The following NKX2-5 variants were observed in gnomAD, a reference collection of about 807,000 sequenced individuals.
NKX2-5 encodes the protein NK2 homeobox 5, also known as homeobox protein Nkx-2.5.
Under a neutral mutation model 24.5 loss-of-function variants are expected in NKX2-5, and 3 were observed. That is an observed-to-expected ratio of 0.12 (90% CI 0.06 to 0.32). The LOEUF is 0.32. NKX2-5 is among the 10% of genes least tolerant of loss of function. NKX2-5 has a pLI of 1.00. For synonymous variants in NKX2-5, 215 were observed against 217.6 expected, an observed-to-expected ratio of 0.99 and a Z score of 0.11; for missense variants, 429 against 452.4, an observed-to-expected ratio of 0.95 and a Z score of 0.47.
chr5:173,235,190 C>G lies in NKX2-5; in HGVS notation c.-107G>C, dbSNP rs895157483. The G allele has an allele frequency of 2.6e-6, 3 of 1,161,540 alleles. No homozygotes were observed. The highest frequency in any genetic ancestry group is 1.6e-5 in the African/African-American group (1 of 62,644). 72.0% of individuals were successfully genotyped at this position (1,161,540 alleles called of 1,614,324 possible). On this transcript the variant is annotated 5_prime_UTR_variant, in exon 1 of 2. Coordinates refer to ENST00000329198, the MANE Select transcript of NKX2-5 (RefSeq NM_004387.4). ...TGCCGCCGCCCGCCCGCGCACCCGT[C>G]GGCCAGCTCTGGATGTGTCCGGGCA... is the stretch of plus-strand genomic sequence containing the variant.
chr5:173,234,159 G>C (rs755687551), intron 1 of NKX2-5: 2 of 1,288,680 alleles, frequency 1.6e-6, no homozygotes, highest in South Asian at 1.2e-5. Flanking sequence ...ATAAAGTGAA[G>C]TCAGATTCCT....
intron 1 of NKX2-5, chr5:173,234,407 G>C (rs1761412786): frequency 1.4e-6 from 1 of 733,282 alleles, no homozygotes; most frequent in African/African-American, 1.9e-5. Context: ...TTTAAAAACA[G>C]AGATTATCTG....
rs772542981 is a variant in NKX2-5 at position 173,234,873 on chromosome 5, C to T, written c.211G>A (p.Ala71Thr). 6.2e-7 allele frequency: 1 copy of T among 1,603,510 alleles called. No individual in the cohort carries two copies. The highest frequency in any genetic ancestry group is 1.7e-5 in the Admixed American group (1 of 58,778). Reference protein sequence around the residue: ...AAAPGLPELRAELGRAPSPAK... With the variant: ...AAAPGLPELRTELGRAPSPAK... ...GGTGAAGGCGCGCGGCCCAGCTCTG[C>T]GCGCAGCTCTGGGAGGCCCGGCGCA... Residue 71 changes from alanine to threonine, a missense_variant, in exon 1 of 2, where the codon GCA becomes ACA. Ala to Thr is a moderately conservative substitution (Grantham distance 58, BLOSUM62 0). Transcript: ENST00000329198.
At chr5:173,233,615 G>A (rs1761391253) in intron 1 of NKX2-5, 7 of 672,244 alleles carry the variant, frequency 1.0e-5, no homozygotes, top group Non-Finnish European at 1.7e-5. Flanking sequence ...AATGAACAGA[G>A]GCCGAGGCCT....
rs746833511 is a variant in NKX2-5 at position 173,232,902 on chromosome 5, A to AGGC, written c.639_641dup (p.Pro214dup). On this transcript the variant is annotated inframe_insertion, in exon 2 of 2. Coordinates refer to ENST00000329198, the MANE Select transcript of NKX2-5 (RefSeq NM_004387.4). The surrounding 1 kb of genome is among the most constrained non-coding windows in gnomAD (Gnocchi z 5.9). Reference sequence around the variant, plus strand: ...GCACTGGCACCGCGATCCTGCGGGCAGGCGGCGGCGGCGGCGGGGGCAGCC... The same window carrying AGGC: ...GCACTGGCACCGCGATCCTGCGGGCAGGCGGCGGCGGCGGCGGCGGGGGCAGCC... 84 of 1,606,388 alleles carry AGGC rather than the reference A, an allele frequency of 5.2e-5. No individual in the cohort carries two copies. The highest frequency in any genetic ancestry group is 4.9e-4 in the Admixed American group (29 of 58,968).
chr5:173,233,125 T>C lies in NKX2-5; in HGVS notation c.419A>G (p.Lys140Arg), dbSNP rs1253114866. Residue 140 changes from lysine (K) to arginine (R), a missense_variant, in exon 2 of 2, where the codon AAG becomes AGG. Physicochemically the swap from Lys to Arg is conservative, Grantham distance 26. Coordinates refer to ENST00000329198, the MANE Select transcript of NKX2-5 (RefSeq NM_004387.4). Reference protein sequence around the residue: ...AERPRARRRRKPRVLFSQAQV... With the variant: ...AERPRARRRRRPRVLFSQAQV... Reference sequence around the variant, plus strand: ...CGCCTGCGAGAAGAGCACGCGCGGCTTCCTCCGCCGTCGCGCCCGGGGCCG... The same window carrying C: ...CGCCTGCGAGAAGAGCACGCGCGGCCTCCTCCGCCGTCGCGCCCGGGGCCG... 3 of 1,600,496 alleles carry C rather than the reference T, an allele frequency of 1.9e-6. No homozygotes were observed. The highest frequency in any genetic ancestry group is 2.7e-5 in the African/African-American group (2 of 74,738).
chr5:173,234,286 G>A, intron 1 of NKX2-5: 2 of 1,193,616 alleles, frequency 1.7e-6, no homozygotes, highest in Non-Finnish European at 2.1e-6. Context: ...CAGAAAGAAG[G>A]TCCAGGACCC....
At chr5:173,233,411 T>C (rs747848277) in intron 1 of NKX2-5, 1 of 1,532,418 alleles carries the variant, frequency 6.5e-7, no homozygotes, top group Non-Finnish European at 8.7e-7. Context: ...TCAGGCTGGC[T>C]CAAGGCGCTG....
chr5:173,233,256 GACCTAC>G (rs1761368119), intron 1 of NKX2-5, 47 bp from the exon 2 acceptor site: 2 of 1,580,964 alleles, frequency 1.3e-6, no homozygotes, highest in Non-Finnish European at 1.7e-6. Flanking sequence ...AGAGCGGCTT[GACCTAC>G]GGAGCGCGGC....
chr5:173,234,231 C>G (rs188507430), intron 1 of NKX2-5: 11 of 1,222,354 alleles, frequency 9.0e-6, no homozygotes, highest in Non-Finnish European at 1.1e-5. Flanking sequence ...ACTTTCCTGG[C>G]GCAAAGAAAG....
At chr5:173,233,525 A>AAAAAAAT in intron 1 of NKX2-5, 1 of 854,630 alleles carries the variant, frequency 1.2e-6, no homozygotes, top group South Asian at 1.7e-5. Context: ...AAAAATAAAT[A>AAAAAAAT]AAAAAATAAA....
At position 173,235,195 on chromosome 5, in the gene NKX2-5, A is replaced by C. The variant is rs1275190113; in HGVS notation, c.-112T>G. ...CCGCCCGCCCGCGCACCCGTCGGCC[A>C]GCTCTGGATGTGTCCGGGCAGCAGG... On this transcript the variant is annotated 5_prime_UTR_variant, in exon 1 of 2. Coordinates refer to ENST00000329198, the MANE Select transcript of NKX2-5 (RefSeq NM_004387.4). The C allele has an allele frequency of 9.2e-7, 1 of 1,092,598 alleles. No homozygotes were observed. The highest frequency in any genetic ancestry group is 1.3e-6 in the Non-Finnish European group (1 of 769,316). 67.7% of individuals were successfully genotyped at this position (1,092,598 alleles called of 1,614,324 possible). A position where few individuals can be genotyped will look rare whatever the true frequency, so the allele number is the denominator to read the frequency against.
chr5:173,232,216 C>T lies in NKX2-5; in HGVS notation c.*353G>A, dbSNP rs774298122. On this transcript the variant is annotated 3_prime_UTR_variant, in exon 2 of 2. Coordinates refer to ENST00000329198, the MANE Select transcript of NKX2-5 (RefSeq NM_004387.4). The surrounding 1 kb of genome is among the most constrained non-coding windows in gnomAD (Gnocchi z 5.9). ...CGGGCGACGGCGAGATAGCAAAGGC[C>T]CGGGCGCCCGGCCCTGGCTCGCGGA... 8.1e-4 allele frequency: 247 copies of T among 306,278 alleles called. 1 individual carries two copies. Among genetic ancestry groups the T allele is most frequent in the Non-Finnish European group, 1.2e-3 (190 of 163,956 alleles). The allele number at this position is 306,278 out of a possible 1,614,324, so 19.0% of individuals were successfully genotyped here. A position where few individuals can be genotyped will look rare whatever the true frequency, so the allele number is the denominator to read the frequency against.
chr5:173,232,313 C>T lies in NKX2-5; in HGVS notation c.*256G>A, dbSNP rs1761331745. The T allele has an allele frequency of 3.2e-6, 2 of 633,330 alleles. No homozygotes were observed. Among genetic ancestry groups the T allele is most frequent in the Non-Finnish European group, 5.2e-6 (2 of 382,804 alleles). The allele number at this position is 633,330 out of a possible 1,614,324, so 39.2% of individuals were successfully genotyped here. A position where few individuals can be genotyped will look rare whatever the true frequency, so the allele number is the denominator to read the frequency against. On this transcript the variant is annotated 3_prime_UTR_variant, in exon 2 of 2. Coordinates refer to ENST00000329198, the MANE Select transcript of NKX2-5 (RefSeq NM_004387.4). This position sits in a 1 kb window ranked among gnomAD's most constrained non-coding sequence, Gnocchi z 5.9. ...TTCCAACCGGGGGTGCCCATGGACT[C>T]TCGGAGGGCACTCCTGGGGGGACAG...
chr5:173,233,963 G>C, intron 1 of NKX2-5: 1 of 1,212,628 alleles, frequency 8.2e-7, no homozygotes, highest in East Asian at 6.3e-5. Context: ...CCTTGGGCTG[G>C]GGGGTCTCCC....
At chr5:173,234,556 G>A (rs1761417894) in intron 1 of NKX2-5, among the ~76,000 whole-genome samples, 194 bp downstream of exon 1, 1 of 152,156 alleles carries the variant, frequency 6.6e-6, no homozygotes, top group Non-Finnish European at 1.5e-5. Flanking sequence ...CTTTCAATCC[G>A]GCATTTCCTC....
intron 1 of NKX2-5, chr5:173,234,019 G>C: frequency 7.8e-7 from 1 of 1,277,198 alleles, no homozygotes; most frequent in South Asian, 1.3e-5. Flanking sequence ...CCCCGATCCT[G>C]GGATGGCCTG....
At chr5:173,233,294 C>T (rs1414462775) in intron 1 of NKX2-5, 85 bp from the exon 2 acceptor site, 1 of 1,546,972 alleles carries the variant, frequency 6.5e-7, no homozygotes, top group Non-Finnish European at 8.7e-7. Context: ...GGTAAGGGAT[C>T]CTCGTGGAGG....
At position 173,234,053 on chromosome 5, in the gene NKX2-5, G is replaced by A. The variant is rs1377881642; in HGVS notation, c.334+697C>T. 3.9e-6 allele frequency: 5 copies of A among 1,289,348 alleles called. No individual in the cohort carries two copies. The Admixed American group carries it at 9.2e-5, about 24-fold the overall frequency. 79.9% of individuals were successfully genotyped at this position (1,289,348 alleles called of 1,614,324 possible). ...TGCGGGATGATCCCGCACTCATCTC[G>A]TCCACTCCCTTGTGCCCGCGGTAGC... On this transcript the variant is annotated intron_variant, in intron 1 of 1. Transcript: ENST00000329198.
Sources: gnomAD v4.1 joint callset for allele counts (sites outside exome capture counted in the v4.1 genomes callset) on GRCh38, gnomAD v4.1.1 for gene constraint, Gnocchi (gnomAD v3.1) non-coding constraint, MANE v1.5 for transcripts, NCBI Gene and HGNC (gene_info 2026-07-23, HGNC 2026-07-21) for gene names.